Variants in CHL1 observed in about 807,000 individuals in gnomAD.
The protein encoded by CHL1 is neural cell adhesion molecule L1-like protein.
Under a neutral mutation model 141.9 loss-of-function variants are expected in CHL1, and 96 were observed. The observed-to-expected ratio is 0.68, with a 90% CI of 0.57 to 0.80. The LOEUF is 0.80. CHL1 is among the 30% of genes least tolerant of loss of function. CHL1 has a pLI of 0.00. For synonymous variants in CHL1, 613 were observed against 502.2 expected (o/e 1.22, Z -2.95); for missense variants, 1,820 against 1,457.2 (o/e 1.25, Z -4.05).
chr3:326,144 C>G (rs536733322), intron 4 of CHL1, 80 bp downstream of exon 4: 14 of 792,800 alleles, frequency 1.8e-5, no homozygotes, highest in Non-Finnish European at 2.5e-5. Context: ...CATCACAAGC[C>G]TGTTGGACTA....
chr3:305,313 A>G (rs1358339307), intron 2 of CHL1, among the ~76,000 whole-genome samples: 2 of 152,150 alleles, frequency 1.3e-5, no homozygotes, highest in South Asian at 2.1e-4. Flanking sequence ...TTATCTTTGG[A>G]ATCACAAAAA....
At chr3:362,956 C>G (rs1050627445) in intron 13 of CHL1, among the ~76,000 whole-genome samples, 1 of 152,166 alleles carries the variant, frequency 6.6e-6, no homozygotes, top group African/African-American at 2.4e-5. Context: ...AGGACACATG[C>G]AAACCGGTGC....
intron 11 of CHL1, among the ~76,000 whole-genome samples, chr3:357,578 C>G (rs1703831312): frequency 6.6e-6 from 1 of 152,134 alleles, no homozygotes; most frequent in Non-Finnish European, 1.5e-5. Context: ...GAAGTTTCGT[C>G]CATTTTATTG....
chr3:325,307 G>C (rs3956163), intron 3 of CHL1, among the ~76,000 whole-genome samples: 4 of 151,888 alleles, frequency 2.6e-5, no homozygotes, highest in Non-Finnish European at 5.9e-5. Context: ...TGTTATTTGT[G>C]TATATATTCT....
intron 2 of CHL1, among the ~76,000 whole-genome samples, chr3:261,535 C>A (rs901946460): frequency 1.3e-5 from 2 of 152,030 alleles, no homozygotes; most frequent in African/African-American, 4.8e-5. Flanking sequence ...ACCTGTTTGG[C>A]CTCAAAAAGT....
intron 2 of CHL1, among the ~76,000 whole-genome samples, chr3:263,196 G>A (rs1048975096): frequency 6.6e-6 from 1 of 152,138 alleles, no homozygotes. Flanking sequence ...CCCAACTTCT[G>A]TCCACTCAAG....
At chr3:269,736 C>T (rs764424016) in intron 2 of CHL1, among the ~76,000 whole-genome samples, 92 of 152,256 alleles carry the variant, frequency 6.0e-4, no homozygotes, top group Middle Eastern at 3.4e-3. Context: ...ATGTTGGTCA[C>T]GCTGGTCTCA....
chr3:397,461 T>A (rs1025655465), intron 24 of CHL1, among the ~76,000 whole-genome samples: 3 of 152,132 alleles, frequency 2.0e-5, no homozygotes, highest in Non-Finnish European at 4.4e-5. Flanking sequence ...TTTATATCAT[T>A]GTTAACATTT....
intron 3 of CHL1, among the ~76,000 whole-genome samples, chr3:321,239 T>G (rs1438424038): frequency 6.6e-6 from 1 of 152,096 alleles, no homozygotes; most frequent in Admixed American, 6.6e-5. Flanking sequence ...TCTATTATTT[T>G]TAACAGATAA....
chr3:319,896 A>G, intron 3 of CHL1, 29 bp downstream of exon 3: 1 of 1,248,644 alleles, frequency 8.0e-7, no homozygotes, highest in Non-Finnish European at 1.2e-6. Context: ...GTGCCTATTA[A>G]TGGAATTTCA....
chr3:215,352 C>T (rs1415101306), intron 1 of CHL1, among the ~76,000 whole-genome samples: 1 of 152,060 alleles, frequency 6.6e-6, no homozygotes, highest in Non-Finnish European at 1.5e-5. Context: ...TTTGTGGAGT[C>T]TGAAAAAGCT....
At chr3:361,465 C>T (rs1704241485) in intron 12 of CHL1, among the ~76,000 whole-genome samples, 2 of 151,234 alleles carry the variant, frequency 1.3e-5, no homozygotes, top group South Asian at 4.2e-4. Context: ...TTTTTGCAAC[C>T]TACTCATCTG....
chr3:401,439 T>C (rs1709126870), intron 26 of CHL1, among the ~76,000 whole-genome samples, 187 bp from the exon 27 acceptor site: 1 of 152,142 alleles, frequency 6.6e-6, no homozygotes, highest in African/African-American at 2.4e-5. Flanking sequence ...AAATCCCCTC[T>C]CTTTTTTGTT....
intron 5 of CHL1, among the ~76,000 whole-genome samples, chr3:333,773 T>A (rs1335439671): frequency 6.6e-6 from 1 of 152,208 alleles, no homozygotes; most frequent in Non-Finnish European, 1.5e-5. Flanking sequence ...GGAGCTACTC[T>A]CTTGCCTTCA....
intron 1 of CHL1, 53 bp from the exon 2 acceptor site, chr3:244,560 G>A (rs1692978735): frequency 6.6e-6 from 1 of 152,136 alleles, no homozygotes; most frequent in African/African-American, 2.4e-5. Context: ...TAATTTAAAA[G>A]TGACTCAAAT....
At position 254,757 on chromosome 3, in the gene CHL1, G is replaced by C. The variant is rs567585192; in HGVS notation, c.-95+10065G>C. On this transcript the variant is annotated intron_variant, in intron 2 of 27. Transcript: ENST00000256509. ...GTAGCCATGCCTCACATATTGGAAA[G>C]TGGAAAGGCAAGCTAGCTAAATCCT... Among the ~76,000 whole-genome samples, 111 of 152,284 alleles carry C rather than the reference G, an allele frequency of 7.3e-4. 1 individual carries two copies. Among genetic ancestry groups the C allele is most frequent in the African/African-American group, 2.6e-3 (106 of 41,568 alleles).
At position 344,529 on chromosome 3, in the gene CHL1, TCA is replaced by T. The variant is rs1344587048; in HGVS notation, c.728-57_728-56del. ...TTTTTGTTTTAAGAAAGATGTGGTG[TCA>T]CAGAATTTTATGTATATTAATTTGA... On this transcript the variant is annotated intron_variant, in intron 8 of 27. Transcript: ENST00000256509. The T allele has an allele frequency of 9.4e-5, 124 of 1,317,430 alleles. 1 individual carries two copies. The highest frequency in any genetic ancestry group is 9.3e-4 in the South Asian group (72 of 77,408). 81.6% of individuals were successfully genotyped at this position (1,317,430 alleles called of 1,614,324 possible).
intron 2 of CHL1, among the ~76,000 whole-genome samples, chr3:265,653 T>C (rs2125219268): frequency 6.6e-6 from 1 of 152,304 alleles, no homozygotes; most frequent in East Asian, 1.9e-4. Context: ...TCTGTGATCC[T>C]CATATTCATT....
intron 19 of CHL1, among the ~76,000 whole-genome samples, chr3:385,953 C>G (rs995160243): frequency 2.0e-5 from 3 of 151,716 alleles, no homozygotes; most frequent in African/African-American, 7.3e-5. Context: ...AGTTACATTC[C>G]CAATATGTCC....
Sources: allele counts gnomAD v4.1 joint callset (sites outside exome capture counted in the v4.1 genomes callset), GRCh38; gene constraint gnomAD v4.1.1; transcripts MANE v1.5; gene names NCBI Gene and HGNC (gene_info 2026-07-23, HGNC 2026-07-21).